PLEKHH2: variants seen among roughly 807,000 people sequenced by gnomAD.
PLEKHH2 encodes the protein pleckstrin homology, MyTH4 and FERM domain containing H2.
Under a neutral mutation model 187.9 loss-of-function variants are expected in PLEKHH2, and 129 were observed. That is an observed-to-expected ratio of 0.69 (90% confidence interval 0.59 to 0.79). The LOEUF is 0.79. Ranked by LOEUF, PLEKHH2 falls within the 30% of genes least tolerant of loss-of-function variation. PLEKHH2 has a pLI of 0.00. For missense variants in PLEKHH2, 2,076 were observed against 1,751.2 expected, an observed-to-expected ratio of 1.19 and a Z score of -3.31; for synonymous variants, 686 against 605.6, an observed-to-expected ratio of 1.13 and a Z score of -1.95.
chr2:43,637,772 C>G (rs1703183984), intron 1 of PLEKHH2, among the ~76,000 whole-genome samples: 1 of 152,174 alleles, frequency 6.6e-6, no homozygotes, highest in South Asian at 2.1e-4. Context: ...TCAGGGATGC[C>G]GCGCTCGCCT....
intron 3 of PLEKHH2, among the ~76,000 whole-genome samples, chr2:43,686,456 C>T (rs1309741005): frequency 1.3e-5 from 2 of 152,196 alleles, no homozygotes; most frequent in Admixed American, 1.3e-4. Context: ...CTTGGCCTCC[C>T]AAAGTGTTGG....
Position 43,654,704 on chromosome 2 carries a change from A to AC in PLEKHH2, c.123+9920dup, listed in dbSNP as rs34057211. Reference sequence around the variant, plus strand: ...ACCAGCTTGGGCAACATAGTAAGACACCCCCCCCCCCCGCATCTCTACCAA... The same window carrying AC: ...ACCAGCTTGGGCAACATAGTAAGACACCCCCCCCCCCCCGCATCTCTACCAA... On this transcript the variant is annotated intron_variant, in intron 2 of 29. Coordinates refer to ENST00000282406, the MANE Select transcript of PLEKHH2 (RefSeq NM_172069.4). Among the ~76,000 whole-genome samples, 741 of 111,970 alleles carry AC rather than the reference A, an allele frequency of 6.6e-3. 12 individuals are homozygous for AC. The highest frequency in any genetic ancestry group is 0.012 in the East Asian group (27 of 2,328). The allele number at this position is 111,970 out of a possible 152,430, so 73.5% of individuals were successfully genotyped here.
intron 8 of PLEKHH2, among the ~76,000 whole-genome samples, chr2:43,702,448 G>A (rs566185397): frequency 1.3e-5 from 2 of 148,796 alleles, no homozygotes; most frequent in Non-Finnish European, 3.0e-5. Context: ...TTGAAATTTT[G>A]CCTATCTTAT....
At chr2:43,764,120 C>T in intron 28 of PLEKHH2, 108 bp from the exon 29 acceptor site, 2 of 615,328 alleles carry the variant, frequency 3.3e-6, no homozygotes, top group South Asian at 6.1e-5. Context: ...TGTATTATAC[C>T]ATAATTGATT....
At chr2:43,678,320 G>C (rs1341131380) in intron 2 of PLEKHH2, among the ~76,000 whole-genome samples, 1 of 152,214 alleles carries the variant, frequency 6.6e-6, no homozygotes, top group Non-Finnish European at 1.5e-5. Flanking sequence ...CGGCCGGGCA[G>C]AGGCTGCAAT....
At chr2:43,687,277 A>T (rs1374265804) in intron 3 of PLEKHH2, among the ~76,000 whole-genome samples, 1 of 152,210 alleles carries the variant, frequency 6.6e-6, no homozygotes, top group African/African-American at 2.4e-5. Context: ...TAATTCTCTT[A>T]GGATAATGAC....
In PLEKHH2 at chr2:43,668,140, C is replaced by T. The variant is rs551764752; in HGVS notation, c.124-10723C>T. On this transcript the variant is annotated intron_variant, in intron 2 of 29. Coordinates refer to ENST00000282406, the MANE Select transcript of PLEKHH2 (RefSeq NM_172069.4). Reference sequence around the variant, plus strand: ...CTCTGCCACCCGGGTTCAAGTGATTCTCCTGCCTCAGCCTCCCAAGTAGCT... The same window carrying T: ...CTCTGCCACCCGGGTTCAAGTGATTTTCCTGCCTCAGCCTCCCAAGTAGCT... 3.8e-3 allele frequency among the ~76,000 whole-genome samples: 582 copies of T among 152,198 alleles called. 3 individuals carry two copies. Among genetic ancestry groups the T allele is most frequent in the Non-Finnish European group, 5.0e-3 (340 of 68,012 alleles).
intron 2 of PLEKHH2, among the ~76,000 whole-genome samples, chr2:43,658,072 C>G (rs1027482780): frequency 7.2e-5 from 11 of 152,172 alleles, no homozygotes; most frequent in African/African-American, 2.7e-4. Context: ...CTTCATCTTC[C>G]TTTGTATTAT....
chr2:43,742,707 A>G (rs746330684), intron 21 of PLEKHH2, 34 bp from the exon 22 acceptor site: 1 of 1,428,812 alleles, frequency 7.0e-7, no homozygotes, highest in East Asian at 2.5e-5. Flanking sequence ...AATTAAATTT[A>G]TTCTTAGATT....
intron 17 of PLEKHH2, among the ~76,000 whole-genome samples, chr2:43,727,916 AT>A (rs1670843939): frequency 6.6e-6 from 1 of 152,208 alleles, no homozygotes; most frequent in African/African-American, 2.4e-5. Flanking sequence ...TTACTGAGGA[AT>A]TTAATGGCTA....
intron 8 of PLEKHH2, 48 bp downstream of exon 8, chr2:43,700,656 A>G (rs896579780): frequency 1.3e-6 from 2 of 1,539,810 alleles, no homozygotes; most frequent in Non-Finnish European, 8.7e-7. Context: ...TTTTTTCTCA[A>G]CACTTTTTTT....
intron 29 of PLEKHH2, 100 bp downstream of exon 29, chr2:43,764,465 C>T: frequency 7.8e-7 from 1 of 1,286,624 alleles, no homozygotes; most frequent in African/African-American, 1.5e-5. Context: ...CATATTAAAA[C>T]ATTTATTCAG....
intron 26 of PLEKHH2, among the ~76,000 whole-genome samples, chr2:43,758,339 A>G: frequency 6.6e-6 from 1 of 150,508 alleles, no homozygotes; most frequent in South Asian, 2.1e-4. Context: ...TGCAACCTCC[A>G]CCTCCCGGGT....
chr2:43,652,602 A>G (rs1666543441), intron 2 of PLEKHH2, among the ~76,000 whole-genome samples: 1 of 152,210 alleles, frequency 6.6e-6, no homozygotes, highest in Non-Finnish European at 1.5e-5. Flanking sequence ...AGTGATGCTG[A>G]CATCAGTAGT....
chr2:43,679,938 T>C (rs1668082795), intron 3 of PLEKHH2, among the ~76,000 whole-genome samples: 1 of 152,228 alleles, frequency 6.6e-6, no homozygotes. Context: ...GTGTTGGGAT[T>C]ACAGGTGTGA....
At chr2:43,644,887 G>C (rs1427981705) in intron 2 of PLEKHH2, 91 bp downstream of exon 2, 2 of 1,336,782 alleles carry the variant, frequency 1.5e-6, no homozygotes, top group Admixed American at 5.2e-5. Context: ...TTGGGGGTTT[G>C]ATTTAATTTT....
At chr2:43,747,733 A>C (rs976290474) in intron 24 of PLEKHH2, among the ~76,000 whole-genome samples, 1 of 152,162 alleles carries the variant, frequency 6.6e-6, no homozygotes, top group Non-Finnish European at 1.5e-5. Flanking sequence ...ATACCCTGTA[A>C]ATTAAGGAAT....
intron 3 of PLEKHH2, among the ~76,000 whole-genome samples, chr2:43,683,347 C>T (rs1034813884): frequency 3.3e-5 from 5 of 151,854 alleles, no homozygotes; most frequent in Non-Finnish European, 5.9e-5. Flanking sequence ...CTATGTTGGT[C>T]GGGCTGGTCT....
chr2:43,722,925 G>C (rs571064486), intron 16 of PLEKHH2, among the ~76,000 whole-genome samples: 9 of 152,248 alleles, frequency 5.9e-5, no homozygotes, highest in East Asian at 5.8e-4. Context: ...AATCATTATA[G>C]GCCTACTTCA....
Sources: allele counts gnomAD v4.1 joint callset (sites outside exome capture counted in the v4.1 genomes callset), GRCh38; gene constraint gnomAD v4.1.1; transcripts MANE v1.5; gene names NCBI Gene and HGNC (gene_info 2026-07-23, HGNC 2026-07-21).